Variants in NF2 observed in about 807,000 individuals in gnomAD.
NF2 encodes NF2, moesin-ezrin-radixin like (MERLIN) tumor suppressor.
Under a neutral mutation model 83.7 loss-of-function variants are expected in NF2, and 8 were observed. That is an observed-to-expected ratio of 0.10 (90% CI 0.06 to 0.17). The LOEUF (loss-of-function observed/expected upper bound fraction) is 0.17, where lower values mean the gene tolerates loss of function less well. NF2 is among the 10% of genes least tolerant of loss of function. The pLI, the probability that NF2 is intolerant of heterozygous loss-of-function variation, is 1.00. For missense variants in NF2, 533 were observed against 744.4 expected, an observed-to-expected ratio of 0.72 and a Z score of 3.31; for synonymous variants, 266 against 269.6, an observed-to-expected ratio of 0.99 and a Z score of 0.13.
intron 1 of NF2, among the ~76,000 whole-genome samples, chr22:29,635,824 C>G (rs192348234): frequency 6.6e-6 from 1 of 152,058 alleles, no homozygotes; most frequent in African/African-American, 2.4e-5. Flanking sequence ...CTAATGCACT[C>G]GAGTTTGTAT....
At chr22:29,616,316 A>G (rs1314370052) in intron 1 of NF2, among the ~76,000 whole-genome samples, 2 of 152,250 alleles carry the variant, frequency 1.3e-5, no homozygotes, top group African/African-American at 4.8e-5. Flanking sequence ...ATTTTAGGGT[A>G]TATGAATTAT....
rs1266754299 is a variant in NF2 at position 29,626,176 on chromosome 22, A to G, written c.115-10575A>G. The stretch of plus-strand genomic sequence containing the variant: ...GACTTTTTTTTTTTTTTTTTTTGAG[A>G]TGGAGTCTAACTCTGTCACCAGGCT... On this transcript the variant is annotated intron_variant, in intron 1 of 15. Coordinates refer to ENST00000338641, the MANE Select transcript of NF2 (RefSeq NM_000268.4). Among the ~76,000 whole-genome samples, 5 of 128,864 alleles carry G rather than the reference A, an allele frequency of 3.9e-5. No homozygotes were observed. In the Admixed American group the frequency reaches 4.4e-4, roughly 11 times the overall value. The allele number at this position is 128,864 out of a possible 152,430, so 84.5% of individuals were successfully genotyped here. A position where few individuals can be genotyped will look rare whatever the true frequency, so the allele number is the denominator to read the frequency against.
At chr22:29,645,404 G>A (rs748362808) in intron 4 of NF2, among the ~76,000 whole-genome samples, 1 of 152,130 alleles carries the variant, frequency 6.6e-6, no homozygotes, top group Non-Finnish European at 1.5e-5. Flanking sequence ...TGCATTTTGT[G>A]CCTCCAATAT....
chr22:29,621,822 ATCTTTGCATAGGCTGTTC>A (rs1451357405), intron 1 of NF2, among the ~76,000 whole-genome samples: 11 of 152,114 alleles, frequency 7.2e-5, no homozygotes, highest in Non-Finnish European at 8.8e-5. Flanking sequence ...ACACTGCCAC[ATCTTTGCATAGGCTGTTC>A]TCTTTGCCTG....
At chr22:29,648,440 A>G (rs533344528) in intron 4 of NF2, among the ~76,000 whole-genome samples, 2 of 152,326 alleles carry the variant, frequency 1.3e-5, no homozygotes, top group East Asian at 1.9e-4. Flanking sequence ...GGGTAACTGC[A>G]TTGTTGGTGC....
At chr22:29,683,295 C>A in intron 15 of NF2, 1 of 1,442,896 alleles carries the variant, frequency 6.9e-7, no homozygotes, top group South Asian at 1.4e-5. Flanking sequence ...AAGAGCATGT[C>A]ATGGGGCTGT....
chr22:29,637,781 TC>T (rs756405745), intron 2 of NF2, among the ~76,000 whole-genome samples: 4 of 152,080 alleles, frequency 2.6e-5, no homozygotes, highest in Non-Finnish European at 5.9e-5. Flanking sequence ...CACATGGGAA[TC>T]CCTGCTGGTT....
intron 1 of NF2, among the ~76,000 whole-genome samples, chr22:29,633,018 C>A (rs2065556591): frequency 6.6e-6 from 1 of 152,120 alleles, no homozygotes; most frequent in Non-Finnish European, 1.5e-5. Context: ...CAACTGTGAC[C>A]AATGGCGCTT....
chr22:29,607,614 C>T (rs952964873), intron 1 of NF2, among the ~76,000 whole-genome samples: 9 of 152,070 alleles, frequency 5.9e-5, no homozygotes, highest in Non-Finnish European at 1.3e-4. Flanking sequence ...AATTGTGAGA[C>T]GTACAAAGAA....
chr22:29,689,212 GA>G (rs2067344328), intron 15 of NF2, among the ~76,000 whole-genome samples: 1 of 142,112 alleles, frequency 7.0e-6, no homozygotes, highest in African/African-American at 2.6e-5. Context: ...AGAAAGTAAA[GA>G]AAAGCTTGAT....
Position 29,604,070 on chromosome 22 carries a change from G to A in NF2, c.72G>A (p.Val24=), listed in dbSNP as rs761062232. The A allele has an allele frequency of 1.2e-6, 2 of 1,607,796 alleles. No individual in the cohort carries two copies. The highest frequency in any genetic ancestry group is 1.3e-5 in the African/African-American group (1 of 74,878). ...GGAAGCAACCCAAGACGTTCACCGT[G>A]AGGATCGTCACCATGGACGCCGAGA... ...LKRKQPKTFT[V]RIVTMDAEME... Residue 24 remains valine, a synonymous_variant, in exon 1 of 16, where the codon GTG becomes GTA. Transcript: ENST00000338641.
chr22:29,673,298 G>A lies in NF2; in HGVS notation c.1152G>A (p.Leu384=). 1 of 1,586,016 alleles carries A rather than the reference G, an allele frequency of 6.3e-7. No individual in the cohort carries two copies. Among genetic ancestry groups the A allele is most frequent in the Non-Finnish European group, 8.6e-7 (1 of 1,166,594 alleles). Reference sequence around the variant, plus strand: ...GGTCTGAGGAGACAGCTGACCTGTTGGCTGAAAAGGCCCAGATCACCGAGG... The same window carrying A: ...GGTCTGAGGAGACAGCTGACCTGTTAGCTGAAAAGGCCCAGATCACCGAGG... The part of the protein sequence containing the change: ...LMRSEETADL[L]AEKAQITEEE... Residue 384 remains leucine (L), a synonymous_variant, in exon 12 of 16, where the codon TTG becomes TTA. Transcript: ENST00000338641.
intron 2 of NF2, among the ~76,000 whole-genome samples, chr22:29,637,539 A>G (rs1042471025): frequency 6.6e-6 from 1 of 152,216 alleles, no homozygotes; most frequent in Non-Finnish European, 1.5e-5. Flanking sequence ...CTACCTAGCC[A>G]TGAAAGGCAG....
intron 1 of NF2, among the ~76,000 whole-genome samples, chr22:29,634,846 GA>G (rs2065606163): frequency 6.6e-6 from 1 of 152,156 alleles, no homozygotes; most frequent in African/African-American, 2.4e-5. Context: ...GTCAGACTGG[GA>G]AATGGATGTG....
intron 6 of NF2, among the ~76,000 whole-genome samples, chr22:29,656,037 C>A (rs901126264): frequency 6.6e-6 from 1 of 151,426 alleles, no homozygotes; most frequent in Non-Finnish European, 1.5e-5. Context: ...CTCCTGGGTT[C>A]AAGCAAACCT....
At chr22:29,621,715 G>T (rs1417288288) in intron 1 of NF2, among the ~76,000 whole-genome samples, 1 of 151,968 alleles carries the variant, frequency 6.6e-6, no homozygotes, top group Non-Finnish European at 1.5e-5. Context: ...AAGGAAATAA[G>T]TTCAGTGCCT....
At chr22:29,607,484 T>C (rs2064829122) in intron 1 of NF2, among the ~76,000 whole-genome samples, 1 of 152,148 alleles carries the variant, frequency 6.6e-6, no homozygotes, top group Non-Finnish European at 1.5e-5. Flanking sequence ...GGGAAATGGA[T>C]TTCACTCAAA....
At chr22:29,688,418 C>T (rs2067319946) in intron 15 of NF2, among the ~76,000 whole-genome samples, 1 of 152,226 alleles carries the variant, frequency 6.6e-6, no homozygotes, top group Non-Finnish European at 1.5e-5. Flanking sequence ...TTCTCATGAT[C>T]CTTGCTGTGA....
chr22:29,694,111 GTGCACCAGCCCTCCCTGCC>G lies in NF2; in HGVS notation c.1738-635_1738-617del, dbSNP rs894871697. ...ATTTGCTGGGCAGAGTGCCACCTGTGTGCACCAGCCCTCCCTGCCTGCACAAGCCACACTGAGAAAGCCG... is the reference window on the plus strand; with the variant it reads ...ATTTGCTGGGCAGAGTGCCACCTGTGTGCACAAGCCACACTGAGAAAGCCG... On this transcript the variant is annotated intron_variant, in intron 15 of 15. Coordinates refer to ENST00000338641, the MANE Select transcript of NF2 (RefSeq NM_000268.4). This position sits in a 1 kb window ranked among gnomAD's most constrained non-coding sequence, Gnocchi z 4.1. Among the ~76,000 whole-genome samples the G allele has an allele frequency of 7.2e-5, 11 of 152,310 alleles. No homozygotes were observed. The highest frequency in any genetic ancestry group is 2.4e-4 in the African/African-American group (10 of 41,568).
Sources: gnomAD v4.1 joint callset for allele counts (sites outside exome capture counted in the v4.1 genomes callset) on GRCh38, gnomAD v4.1.1 for gene constraint, Gnocchi (gnomAD v3.1) non-coding constraint, MANE v1.5 for transcripts, NCBI Gene and HGNC (gene_info 2026-07-23, HGNC 2026-07-21) for gene names.